The following EPB41L4A variants were observed in gnomAD, a reference collection of about 807,000 sequenced individuals.
EPB41L4A encodes the protein band 4.1-like protein 4A.
In EPB41L4A, 100 loss-of-function variants were observed where a neutral mutation model predicts 108.6. The observed-to-expected ratio is 0.92, with a 90% confidence interval of 0.78 to 1.09. EPB41L4A has a LOEUF of 1.09. Among genes scored for constraint, EPB41L4A ranks in the 50% least tolerant of loss-of-function variants. EPB41L4A has a pLI of 0.00. For synonymous variants in EPB41L4A, 319 were observed against 289.0 expected (o/e 1.10, Z -1.05); for missense variants, 1,030 against 842.7 (o/e 1.22, Z -2.75).
At chr5:112,286,051 G>T (rs559162855) in intron 2 of EPB41L4A, among the ~76,000 whole-genome samples, 108 of 151,978 alleles carry the variant, frequency 7.1e-4, no homozygotes, top group Middle Eastern at 6.8e-3. Context: ...TAAATTTCAA[G>T]ATTCTTACTC....
intron 18 of EPB41L4A, 31 bp downstream of exon 18, chr5:112,183,985 T>C: frequency 6.2e-7 from 1 of 1,612,284 alleles, no homozygotes; most frequent in Non-Finnish European, 8.5e-7. Flanking sequence ...TTCAGTGTTT[T>C]TGAATCAAGG....
chr5:112,320,458 T>C lies in EPB41L4A; in HGVS notation c.100-12968A>G, dbSNP rs1271487319. On this transcript the variant is annotated intron_variant, in intron 1 of 22. Coordinates refer to ENST00000261486, the MANE Select transcript of EPB41L4A (RefSeq NM_022140.5). ...TTTTAACATTTATAACCATTCTTAC[T>C]TTTGTTATCACTAAAGTGTTCTACA... Among the ~76,000 whole-genome samples, 4 of 152,236 alleles carry C rather than the reference T, an allele frequency of 2.6e-5. No individual in the cohort carries two copies. The East Asian group carries it at 5.8e-4, about 22-fold the overall frequency.
At chr5:112,250,423 T>C (rs2150408094) in intron 9 of EPB41L4A, among the ~76,000 whole-genome samples, 1 of 152,342 alleles carries the variant, frequency 6.6e-6, no homozygotes, top group East Asian at 1.9e-4. Flanking sequence ...CTTCTCCTCA[T>C]CTGTTTTGTA....
chr5:112,261,724 G>A (rs898988930), intron 7 of EPB41L4A, among the ~76,000 whole-genome samples: 5 of 152,144 alleles, frequency 3.3e-5, no homozygotes, highest in Non-Finnish European at 7.3e-5. Flanking sequence ...CCTACAGTAG[G>A]TGGTAACCTT....
chr5:112,260,682 T>G (rs1295224270), intron 7 of EPB41L4A, among the ~76,000 whole-genome samples: 1 of 152,184 alleles, frequency 6.6e-6, no homozygotes, highest in Non-Finnish European at 1.5e-5. Flanking sequence ...ACCTTTATTT[T>G]AAGGCAATAA....
At chr5:112,416,532 C>T (rs1762728748) in intron 1 of EPB41L4A, among the ~76,000 whole-genome samples, 2 of 152,102 alleles carry the variant, frequency 1.3e-5, no homozygotes, top group Non-Finnish European at 2.9e-5. Context: ...TTTCAGAGAA[C>T]AGTAGGCTAA....
chr5:112,355,622 C>G (rs1758313920), intron 1 of EPB41L4A, among the ~76,000 whole-genome samples: 1 of 152,260 alleles, frequency 6.6e-6, no homozygotes, highest in Admixed American at 6.5e-5. Context: ...CTTCCGAACC[C>G]TCTCCCGATA....
chr5:112,261,085 G>T (rs993667389), intron 7 of EPB41L4A, among the ~76,000 whole-genome samples: 1 of 152,162 alleles, frequency 6.6e-6, no homozygotes, highest in Admixed American at 6.5e-5. Flanking sequence ...GATTAATGTG[G>T]CTAAAGGGAG....
At chr5:112,158,976 T>G (rs115210659), downstream of EPB41L4A, among the ~76,000 whole-genome samples, 300 of 152,334 alleles carry the variant, frequency 2.0e-3, 1 homozygote, top group African/African-American at 6.6e-3. Flanking sequence ...AATCTTCGTG[T>G]TACTGCCTTC....
intron 2 of EPB41L4A, among the ~76,000 whole-genome samples, chr5:112,299,557 G>A (rs899510978): frequency 1.1e-4 from 16 of 152,172 alleles, no homozygotes; most frequent in East Asian, 1.9e-4. Flanking sequence ...GCTCCCGCCT[G>A]TAATCCCAGC....
downstream of EPB41L4A, among the ~76,000 whole-genome samples, chr5:112,159,377 G>T (rs187209044): frequency 6.6e-6 from 1 of 152,192 alleles, no homozygotes; most frequent in Non-Finnish European, 1.5e-5. Context: ...TGGAGACCTA[G>T]TTGTTATCAT....
intron 1 of EPB41L4A, among the ~76,000 whole-genome samples, chr5:112,374,734 A>G (rs188522266): frequency 6.6e-6 from 1 of 152,338 alleles, no homozygotes. Flanking sequence ...ATTCTATTCT[A>G]TAAAAGATCG....
chr5:112,184,335 T>A (rs985759004), intron 17 of EPB41L4A, among the ~76,000 whole-genome samples, 200 bp from the exon 18 acceptor site: 2 of 152,214 alleles, frequency 1.3e-5, no homozygotes, highest in African/African-American at 4.8e-5. Flanking sequence ...ATAATACTCA[T>A]GATATATGTA....
chr5:112,200,932 T>G (rs1302712398), intron 15 of EPB41L4A, among the ~76,000 whole-genome samples: 2 of 152,186 alleles, frequency 1.3e-5, no homozygotes, highest in Non-Finnish European at 2.9e-5. Flanking sequence ...TATTGCAAAG[T>G]GTATTATCCT....
intron 1 of EPB41L4A, among the ~76,000 whole-genome samples, chr5:112,322,641 C>G (rs759556742): frequency 1.1e-4 from 16 of 151,932 alleles, no homozygotes; most frequent in Non-Finnish European, 1.5e-4. Flanking sequence ...AACCAAGCCT[C>G]CTCCCCATAC....
intron 11 of EPB41L4A, 128 bp from the exon 12 acceptor site, chr5:112,234,883 T>C: frequency 1.0e-6 from 1 of 967,736 alleles, no homozygotes; most frequent in African/African-American, 1.6e-5. Context: ...GGTTTTTAAT[T>C]GATTCTCATT....
intron 1 of EPB41L4A, among the ~76,000 whole-genome samples, chr5:112,360,271 T>A (rs1758632533): frequency 6.6e-6 from 1 of 152,044 alleles, no homozygotes; most frequent in Non-Finnish European, 1.5e-5. Flanking sequence ...AATAATAAAC[T>A]GACCCTCGAC....
chr5:112,342,401 T>G (rs1168632498), intron 1 of EPB41L4A, among the ~76,000 whole-genome samples: 1 of 152,220 alleles, frequency 6.6e-6, no homozygotes, highest in Non-Finnish European at 1.5e-5. Context: ...GAAATTGTGC[T>G]CAGCACAATC....
intron 1 of EPB41L4A, among the ~76,000 whole-genome samples, chr5:112,392,398 A>C (rs1184842521): frequency 7.1e-6 from 1 of 140,202 alleles, no homozygotes; most frequent in Non-Finnish European, 1.5e-5. Flanking sequence ...AGCAAATGGA[A>C]AGCAAAAAAA....
Sources: gnomAD v4.1 joint callset for allele counts (sites outside exome capture counted in the v4.1 genomes callset) on GRCh38, gnomAD v4.1.1 for gene constraint, MANE v1.5 for transcripts, NCBI Gene and HGNC (gene_info 2026-07-23, HGNC 2026-07-21) for gene names.